The following ATF1 variants were observed in gnomAD, a reference collection of about 807,000 sequenced individuals.
ATF1 encodes the protein activating transcription factor 1, also known as cyclic AMP-dependent transcription factor ATF-1.
ATF1 carries 16 observed loss-of-function variants against 34.7 expected under a neutral mutation model. The observed-to-expected ratio is 0.46, with a 90% confidence interval of 0.31 to 0.70. The LOEUF (loss-of-function observed/expected upper bound fraction) is 0.70. ATF1 is among the 30% of genes least tolerant of loss of function. ATF1 has a pLI of 0.05. For synonymous variants in ATF1, 105 were observed against 113.1 expected (o/e 0.93, Z 0.46); for missense variants, 255 against 321.6 (o/e 0.79, Z 1.58).
At chr12:50,816,109 A>C (rs552070944) in intron 6 of ATF1, among the ~76,000 whole-genome samples, 2 of 152,032 alleles carry the variant, frequency 1.3e-5, no homozygotes, top group South Asian at 4.2e-4. Flanking sequence ...CCGAGGCGGG[A>C]GGATCACTTG....
At chr12:50,790,039 G>C (rs914878497) in intron 2 of ATF1, among the ~76,000 whole-genome samples, 1 of 152,128 alleles carries the variant, frequency 6.6e-6, no homozygotes, top group African/African-American at 2.4e-5. Context: ...TTTGAGGAAT[G>C]ATGGCCCTTA....
chr12:50,792,959 C>A (rs1284678440), intron 2 of ATF1, among the ~76,000 whole-genome samples: 1 of 152,076 alleles, frequency 6.6e-6, no homozygotes, highest in Non-Finnish European at 1.5e-5. Context: ...AAAGAGCCAT[C>A]CTAGATTCCT....
chr12:50,783,866 G>GA lies in ATF1; in HGVS notation c.93+3646dup, dbSNP rs34062008. ...TGGGCGACAGCGCAAAACTCCGTCT[G>GA]AAAAAAAAAAAAAAAAAATGGCTGG... On this transcript the variant is annotated intron_variant, in intron 2 of 6. Transcript: ENST00000262053. 6.5e-3 allele frequency among the ~76,000 whole-genome samples: 843 copies of GA among 129,684 alleles called. 10 individuals carry two copies. Among genetic ancestry groups the GA allele is most frequent in the African/African-American group, 0.021 (719 of 34,512 alleles). 85.1% of individuals were successfully genotyped at this position (129,684 alleles called of 152,430 possible). A position where few individuals can be genotyped will look rare whatever the true frequency, so the allele number is the denominator to read the frequency against.
intron 6 of ATF1, among the ~76,000 whole-genome samples, chr12:50,818,769 C>G (rs1159557809): frequency 6.6e-6 from 1 of 152,132 alleles, no homozygotes; most frequent in African/African-American, 2.4e-5. Flanking sequence ...GCCACCACAG[C>G]TAATTTTTGT....
chr12:50,810,219 C>CT (rs34461103), intron 4 of ATF1, among the ~76,000 whole-genome samples: 29,785 of 127,324 alleles, frequency 0.23, 4,020 homozygotes, highest in East Asian at 0.4. Flanking sequence ...ACATTCCTGG[C>CT]TTTTTTTTTT....
At chr12:50,809,636 CTT>C in intron 4 of ATF1, 47 bp downstream of exon 4, 1 of 1,531,268 alleles carries the variant, frequency 6.5e-7, no homozygotes, top group South Asian at 1.2e-5. Flanking sequence ...CAAAACCTGA[CTT>C]TTCTGTAGAA....
chr12:50,797,399 G>A (rs1031739873), intron 3 of ATF1, among the ~76,000 whole-genome samples: 2 of 152,188 alleles, frequency 1.3e-5, no homozygotes, highest in Non-Finnish European at 2.9e-5. Flanking sequence ...TACCTAGAAA[G>A]GAAGGACCAG....
chr12:50,818,677 T>A (rs1210900220), intron 6 of ATF1, among the ~76,000 whole-genome samples: 4 of 152,204 alleles, frequency 2.6e-5, no homozygotes, highest in Non-Finnish European at 4.4e-5. Flanking sequence ...TGGCGCGATC[T>A]TGGCTCACTG....
chr12:50,785,961 A>T (rs1941177795), intron 2 of ATF1, among the ~76,000 whole-genome samples: 1 of 152,202 alleles, frequency 6.6e-6, no homozygotes, highest in South Asian at 2.1e-4. Context: ...TTTGCTTAAT[A>T]AGGTTGGTTA....
rs543488255 is a variant in ATF1 at position 50,794,227 on chromosome 12, G to A, written c.94-1682G>A. Among the ~76,000 whole-genome samples the A allele has an allele frequency of 8.8e-4, 133 of 151,712 alleles. 1 individual carries two copies. Among genetic ancestry groups the A allele is most frequent in the Admixed American group, 4.3e-3 (65 of 15,266 alleles). ...GGCCTCCCAAAGTGCTGGGATTACA[G>A]GCGTGAGCCACCGCGCCTGGCCTGG... On this transcript the variant is annotated intron_variant, in intron 2 of 6. Coordinates refer to ENST00000262053, the MANE Select transcript of ATF1 (RefSeq NM_005171.5).
chr12:50,801,578 T>G (rs1361200137), intron 3 of ATF1, among the ~76,000 whole-genome samples: 1 of 152,130 alleles, frequency 6.6e-6, no homozygotes, highest in Non-Finnish European at 1.5e-5. Context: ...CGACAACATA[T>G]TAGCAAACCA....
At chr12:50,789,727 C>T (rs914929251) in intron 2 of ATF1, among the ~76,000 whole-genome samples, 2 of 152,062 alleles carry the variant, frequency 1.3e-5, no homozygotes, top group Admixed American at 6.6e-5. Context: ...TGCACTCCAG[C>T]CTGGTTGACA....
chr12:50,775,642 T>C (rs1373613664), intron 1 of ATF1: 1 of 152,300 alleles, frequency 6.6e-6, no homozygotes, highest in African/African-American at 2.4e-5. Context: ...GATATTGTTA[T>C]GGAGGGAAAA....
At chr12:50,778,786 C>T (rs991121918) in intron 1 of ATF1, among the ~76,000 whole-genome samples, 2 of 152,114 alleles carry the variant, frequency 1.3e-5, no homozygotes, top group African/African-American at 4.8e-5. Flanking sequence ...AACCATGTTG[C>T]CCAGGGCTGG....
Position 50,772,922 on chromosome 12 carries a change from G to A in ATF1, c.-6-7218G>A, listed in dbSNP as rs982933869. 1.1e-4 allele frequency among the ~76,000 whole-genome samples: 17 copies of A among 151,904 alleles called. 1 individual carries two copies. The highest frequency in any genetic ancestry group is 2.1e-4 in the South Asian group (1 of 4,808). On this transcript the variant is annotated intron_variant, in intron 1 of 6. Coordinates refer to ENST00000262053, the MANE Select transcript of ATF1 (RefSeq NM_005171.5). ...TCCTGATGCTCTCCCTTCCCCCACC[G>A]CACCCTCCTCCACAGGCCCCAGTGT...
chr12:50,809,680 G>A, intron 4 of ATF1, 91 bp downstream of exon 4: 2 of 1,288,848 alleles, frequency 1.6e-6, no homozygotes, highest in Non-Finnish European at 2.1e-6. Context: ...GTAATACTTT[G>A]ATAGTGATGA....
At chr12:50,801,723 G>T (rs1282688890) in intron 3 of ATF1, among the ~76,000 whole-genome samples, 1 of 152,096 alleles carries the variant, frequency 6.6e-6, no homozygotes, top group Non-Finnish European at 1.5e-5. Context: ...AAAAACATAT[G>T]ATCATCGCAA....
At chr12:50,812,861 A>T (rs1426163806) in intron 4 of ATF1, among the ~76,000 whole-genome samples, 1 of 152,074 alleles carries the variant, frequency 6.6e-6, no homozygotes, top group Non-Finnish European at 1.5e-5. Context: ...TCTAACATTT[A>T]AAAAAATATT....
At chr12:50,799,338 T>C (rs1678349006) in intron 3 of ATF1, among the ~76,000 whole-genome samples, 1 of 152,178 alleles carries the variant, frequency 6.6e-6, no homozygotes, top group Non-Finnish European at 1.5e-5. Flanking sequence ...TGAGCCATGA[T>C]TGTGCCATGC....
Sources: allele counts gnomAD v4.1 joint callset (sites outside exome capture counted in the v4.1 genomes callset), GRCh38; gene constraint gnomAD v4.1.1; transcripts MANE v1.5; gene names NCBI Gene and HGNC (gene_info 2026-07-23, HGNC 2026-07-21).